The following PCDH11X variants were observed in gnomAD, a reference collection of about 807,000 sequenced individuals.
PCDH11X encodes protocadherin 11 X-linked.
A neutral mutation model predicts 53.3 loss-of-function variants in PCDH11X; 18 were observed. The observed-to-expected ratio is 0.34, with a 90% CI of 0.23 to 0.50. The LOEUF is 0.50. PCDH11X is among the 20% of genes least tolerant of loss of function. The pLI is 0.98. For missense variants in PCDH11X, 570 were observed against 1,032.4 expected (o/e 0.55, Z 6.14); for synonymous variants, 279 against 393.3 (o/e 0.71, Z 3.44).
chrX:92,285,559 A>C (rs1450070616), intron 8 of PCDH11X, among the ~76,000 whole-genome samples: 4 of 111,381 alleles, frequency 3.6e-5, no homozygotes, highest in African/African-American at 1.3e-4. Context: ...AGCCTGTAGA[A>C]AATTTTTATA....
intron 6 of PCDH11X, among the ~76,000 whole-genome samples, chrX:91,972,428 G>T (rs1168774979): frequency 2.0e-5 from 2 of 97,677 alleles, no homozygotes; most frequent in African/African-American, 7.5e-5. Context: ...AGTTTCTTTT[G>T]CTGTGCAGAA....
chrX:92,488,575 T>TA (rs1489636532), intron 10 of PCDH11X, among the ~76,000 whole-genome samples: 1 of 110,972 alleles, frequency 9.0e-6, no homozygotes, highest in Non-Finnish European at 1.9e-5. Context: ...ATTATATATA[T>TA]TTTTATTATA....
chrX:92,219,521 C>CA (rs2066813342), intron 7 of PCDH11X, among the ~76,000 whole-genome samples: 1 of 109,622 alleles, frequency 9.1e-6, no homozygotes, highest in Non-Finnish European at 1.9e-5. Context: ...AGGAGAACTA[C>CA]AAACCACTGC....
chrX:92,223,179 C>G (rs1230054664), intron 7 of PCDH11X, among the ~76,000 whole-genome samples: 2 of 111,930 alleles, frequency 1.8e-5, no homozygotes, highest in Non-Finnish European at 3.8e-5. Flanking sequence ...ATGTTCCAAA[C>G]TGGATTCTTT....
At chrX:92,493,378 C>T (rs1382150466) in intron 10 of PCDH11X, among the ~76,000 whole-genome samples, 2 of 110,660 alleles carry the variant, frequency 1.8e-5, no homozygotes, top group African/African-American at 6.6e-5. Context: ...ATGTTGAGTG[C>T]TCTGACTACA....
intron 9 of PCDH11X, among the ~76,000 whole-genome samples, chrX:92,401,946 C>G (rs1160823436): frequency 1.8e-5 from 2 of 111,762 alleles, no homozygotes; most frequent in African/African-American, 3.3e-5. Flanking sequence ...AGTAAATGGC[C>G]TTAAGCTGGT....
chrX:92,134,558 G>T (rs141657440), intron 6 of PCDH11X, among the ~76,000 whole-genome samples: 2,254 of 111,298 alleles, frequency 0.02, 62 homozygotes, highest in African/African-American at 0.069. Context: ...CTCAAAAGAG[G>T]ATTCTTGGAT....
intron 8 of PCDH11X, among the ~76,000 whole-genome samples, chrX:92,379,914 T>G (rs2754863): frequency 1.1e-5 from 1 of 90,884 alleles, no homozygotes; most frequent in Non-Finnish European, 2.3e-5. Context: ...TGGACACAGG[T>G]CTCAGGACCC....
chrX:91,884,809 T>G (rs2147749939), intron 6 of PCDH11X, among the ~76,000 whole-genome samples: 1 of 109,709 alleles, frequency 9.1e-6, no homozygotes. Context: ...TCCTGAATTT[T>G]AATTCAAATG....
intron 6 of PCDH11X, among the ~76,000 whole-genome samples, chrX:91,954,525 G>A (rs1310443255): frequency 2.7e-5 from 3 of 111,240 alleles, no homozygotes; most frequent in African/African-American, 9.8e-5. Context: ...GGTCTTTGAG[G>A]AATCACCACA....
intron 10 of PCDH11X, among the ~76,000 whole-genome samples, chrX:92,472,697 A>G (rs1471747007): frequency 3.6e-5 from 4 of 110,736 alleles, no homozygotes. Flanking sequence ...CATTGAATGT[A>G]TACATTGTTT....
chrX:91,970,139 G>T (rs776406305), intron 6 of PCDH11X, among the ~76,000 whole-genome samples: 2 of 111,067 alleles, frequency 1.8e-5, no homozygotes, highest in Admixed American at 1.9e-4. Context: ...GAATGAAGCC[G>T]CAGACCTTCA....
At chrX:92,355,223 C>A (rs1468301953) in intron 8 of PCDH11X, among the ~76,000 whole-genome samples, 2 of 91,606 alleles carry the variant, frequency 2.2e-5, no homozygotes, top group Non-Finnish European at 4.1e-5. Context: ...GTCAGGAGAT[C>A]GAGACCATCC....
At chrX:92,265,740 C>G (rs1397425067) in intron 8 of PCDH11X, among the ~76,000 whole-genome samples, 1 of 111,253 alleles carries the variant, frequency 9.0e-6, no homozygotes, top group Non-Finnish European at 1.9e-5. Context: ...ACAGAGCTCA[C>G]AAGTAGAAGA....
chrX:92,506,636 GT>G (rs201535023), intron 10 of PCDH11X, among the ~76,000 whole-genome samples: 22,886 of 89,025 alleles, frequency 0.26, 2,784 homozygotes, highest in East Asian at 0.32. Context: ...CAGTTTGCTA[GT>G]TTTTTTTTTT....
chrX:92,125,357 A>T lies in PCDH11X; in HGVS notation c.3034-76018A>T, dbSNP rs1178939589. 4.5e-5 allele frequency among the ~76,000 whole-genome samples: 5 copies of T among 112,243 alleles called. No individual in the cohort carries two copies. The Admixed American group carries it at 4.8e-4, about 11-fold the overall frequency. Reference sequence around the variant, plus strand: ...CATTGCCGCAGGCATACTCTTCCATATCCAAACACAAATGGGAGAGTTTTG... The same window carrying T: ...CATTGCCGCAGGCATACTCTTCCATTTCCAAACACAAATGGGAGAGTTTTG... On this transcript the variant is annotated intron_variant, in intron 6 of 10. Transcript: ENST00000682573.
At chrX:92,221,205 T>TA (rs1219928362) in intron 7 of PCDH11X, among the ~76,000 whole-genome samples, 1 of 16,456 alleles carries the variant, frequency 6.1e-5, no homozygotes, top group Non-Finnish European at 1.9e-4. Flanking sequence ...ATAATAATAA[T>TA]AAAAAAATAA....
intron 6 of PCDH11X, among the ~76,000 whole-genome samples, chrX:92,158,940 A>G (rs2065589045): frequency 8.9e-6 from 1 of 111,936 alleles, no homozygotes; most frequent in Non-Finnish European, 1.9e-5. Flanking sequence ...AGCCTAGAAT[A>G]GATAACTTTT....
intron 10 of PCDH11X, among the ~76,000 whole-genome samples, chrX:92,574,836 T>C (rs1222528914): frequency 1.6e-4 from 18 of 111,076 alleles, no homozygotes; most frequent in Non-Finnish European, 3.2e-4. Flanking sequence ...TGTTCTGCAT[T>C]TGAAGATTAC....
Sources: allele counts gnomAD v4.1 joint callset (sites outside exome capture counted in the v4.1 genomes callset), GRCh38; gene constraint gnomAD v4.1.1; transcripts MANE v1.5; gene names NCBI Gene and HGNC (gene_info 2026-07-23, HGNC 2026-07-21).